MYH4: variants seen among roughly 807,000 people sequenced by gnomAD.
MYH4 encodes myosin-4.
Under a neutral mutation model 229.9 loss-of-function variants are expected in MYH4, and 200 were observed. The observed-to-expected ratio is 0.87, with a 90% CI of 0.78 to 0.98. MYH4 has a LOEUF of 0.98. Among genes scored for constraint, MYH4 ranks in the 50% least tolerant of loss-of-function variants. The pLI, the probability that MYH4 is intolerant of heterozygous loss-of-function variation, is 0.00. For missense variants in MYH4, 2,148 were observed against 2,332.6 expected, an observed-to-expected ratio of 0.92 and a Z score of 1.63; for synonymous variants, 761 against 834.6, an observed-to-expected ratio of 0.91 and a Z score of 1.52.
Position 10,457,629 on chromosome 17 carries a change from G to A in MYH4, c.1688C>T (p.Ser563Phe), listed in dbSNP as rs1165006026. The change falls in exon 16 of 40, where the codon TCC becomes TTC. Residue 563 changes from serine (S) to phenylalanine (F), a missense_variant. By Grantham distance (155) the Ser-to-Phe change is radical. Transcript: ENST00000255381. ...AGGCTTGGGCTTCTGGAAGTTGTTG[G>A]ATTTTCCAAGATGTTGTTCATACAG... ...NKLYEQHLGKSNNFQKPKPAK... is the reference protein window; with the variant it reads ...NKLYEQHLGKFNNFQKPKPAK... 6.2e-7 allele frequency: 1 copy of A among 1,614,096 alleles called. No individual in the cohort carries two copies. Among genetic ancestry groups the A allele is most frequent in the African/African-American group, 1.3e-5 (1 of 74,932 alleles).
Position 10,452,226 on chromosome 17 carries a change from A to C in MYH4, c.3453T>G (p.Ser1151Arg). 1.9e-6 allele frequency: 3 copies of C among 1,613,624 alleles called. No homozygotes were observed. The highest frequency in any genetic ancestry group is 2.2e-5 in the East Asian group (1 of 44,868). Residue 1151 changes from serine to arginine, a missense_variant, in exon 27 of 40, where the codon AGT (serine) becomes AGG (arginine). Coordinates refer to ENST00000255381, the MANE Select transcript of MYH4 (RefSeq NM_017533.2). ...CCCCACCGGCTTCTTCCAGCCTCTC[A>C]CTGATCTCCTCCAGCTCCCGGGAGA... ...SDLSRELEEI[S>R]ERLEEAGGAT...
chr17:10,463,208 C>A lies in MYH4; in HGVS notation c.806-20G>T, dbSNP rs1368815637. 1 of 1,594,758 alleles carries A rather than the reference C, an allele frequency of 6.3e-7. No individual in the cohort carries two copies. The highest frequency in any genetic ancestry group is 1.1e-5 in the South Asian group (1 of 88,898). ...GCAGATCTGGAAGTCAGATTAAGCT[C>A]ATTTAAAAGAAGATGCCACAGTGAA... On this transcript the variant is annotated intron_variant, in intron 9 of 39. Coordinates refer to ENST00000255381, the MANE Select transcript of MYH4 (RefSeq NM_017533.2).
intron 19 of MYH4, 43 bp from the exon 20 acceptor site, chr17:10,455,338 T>A: frequency 6.4e-7 from 1 of 1,572,244 alleles, no homozygotes; most frequent in Non-Finnish European, 8.7e-7. Flanking sequence ...TTTTCTTCAC[T>A]GAAAAAAACA....
Position 10,460,261 on chromosome 17 carries a change from C to G in MYH4, c.1208G>C (p.Cys403Ser). Reference sequence around the variant, plus strand: ...ATTGCCGACCTTGACTCTGGGATAGCAGAGAGATTTGAGCAGGTCAGCAGA... The same window carrying G: ...ATTGCCGACCTTGACTCTGGGATAGGAGAGAGATTTGAGCAGGTCAGCAGA... Reference protein sequence around the residue: ...LNSADLLKSLCYPRVKVGNEF... With the variant: ...LNSADLLKSLSYPRVKVGNEF... The change falls in exon 13 of 40, where the codon TGC (cysteine) becomes TCC (serine). Residue 403 changes from cysteine to serine, a missense_variant. By Grantham distance (112) the Cys-to-Ser change is moderately radical. Transcript: ENST00000255381. 1 of 1,614,024 alleles carries G rather than the reference C, an allele frequency of 6.2e-7. No homozygotes were observed. Among genetic ancestry groups the G allele is most frequent in the Non-Finnish European group, 8.5e-7 (1 of 1,179,926 alleles).
At position 10,448,536 on chromosome 17, in the gene MYH4, A is replaced by G. The variant is rs751596787; in HGVS notation, c.4532-16T>C. The G allele has an allele frequency of 1.2e-6, 2 of 1,611,210 alleles. No individual in the cohort carries two copies. Among genetic ancestry groups the G allele is most frequent in the South Asian group, 1.1e-5 (1 of 90,544 alleles). On this transcript the variant is annotated splice_polypyrimidine_tract_variant and intron_variant, in intron 32 of 39. Transcript: ENST00000255381. ...GAAATCTCCTCTGTAATAATAAAGTACCAAATTTCAGTTAAGTAGAAAGAA... is the reference window on the plus strand; with the variant it reads ...GAAATCTCCTCTGTAATAATAAAGTGCCAAATTTCAGTTAAGTAGAAAGAA...
intron 4 of MYH4, among the ~76,000 whole-genome samples, chr17:10,466,017 G>T (rs113473745): frequency 1.3e-4 from 19 of 151,824 alleles, no homozygotes; most frequent in African/African-American, 1.7e-4. Context: ...CTCGTGATCC[G>T]CCCGCCTCGG....
Position 10,452,173 on chromosome 17 carries a change from T to A in MYH4, c.3506A>T (p.Lys1169Met). 6.2e-7 allele frequency: 1 copy of A among 1,613,990 alleles called. No individual in the cohort carries two copies. Among genetic ancestry groups the A allele is most frequent in the Non-Finnish European group, 8.5e-7 (1 of 1,180,008 alleles). ...TTTCTGGAACTCAGCCTCCCGCTTC[T>A]TGTTCATCTCAATCTGGGCTGAAGT... ...GATSAQIEMN[K>M]KREAEFQKMR... The change falls in exon 27 of 40, where the codon AAG (lysine) becomes ATG (methionine). Residue 1169 changes from lysine to methionine, a missense_variant. Physicochemically the swap from Lys to Met is moderately conservative, Grantham distance 95. Transcript: ENST00000255381.
At chr17:10,461,628 G>A (rs1260081291) in intron 11 of MYH4, among the ~76,000 whole-genome samples, 2 of 152,150 alleles carry the variant, frequency 1.3e-5, no homozygotes, top group African/African-American at 2.4e-5. Context: ...CAGCGACCAC[G>A]AGATGCCTGG....
Position 10,450,906 on chromosome 17 carries a change from C to A in MYH4, c.3866-11G>T. The A allele has an allele frequency of 1.3e-6, 2 of 1,577,896 alleles. No homozygotes were observed. The highest frequency in any genetic ancestry group is 1.3e-5 in the African/African-American group (1 of 74,256). On this transcript the variant is annotated splice_polypyrimidine_tract_variant and intron_variant, in intron 28 of 39. Coordinates refer to ENST00000255381, the MANE Select transcript of MYH4 (RefSeq NM_017533.2). ...GTCGTGAAAACTCACCTGTGGAAGA[C>A]AAAACATCAATGATTTAGTTCTGTT... is the stretch of plus-strand genomic sequence containing the variant.
rs377556134 is a variant in MYH4, at chr17:10,463,548, T to A, written c.741+3A>T. The stretch of plus-strand genomic sequence containing the variant: ...TCAAGAAAATGAAGATCAAGAGACT[T>A]ACAAAGCGAGAGGAGTTGTCATTCC... On this transcript the variant is annotated splice_donor_region_variant and intron_variant, in intron 8 of 39. Transcript: ENST00000255381. 330 of 1,610,608 alleles carry A rather than the reference T, an allele frequency of 2.0e-4. No individual in the cohort carries two copies. Among genetic ancestry groups the A allele is most frequent in the Non-Finnish European group, 2.7e-4 (319 of 1,176,934 alleles).
chr17:10,448,556 AAAG>A, intron 32 of MYH4, 36 bp from the exon 33 acceptor site: 2 of 1,610,050 alleles, frequency 1.2e-6, no homozygotes, highest in Non-Finnish European at 1.7e-6. Context: ...AGTTAAGTAG[AAAG>A]AAAAATTGAA....
intron 24 of MYH4, 55 bp downstream of exon 24, chr17:10,453,097 A>G (rs951829655): frequency 6.2e-7 from 1 of 1,609,210 alleles, no homozygotes; most frequent in South Asian, 1.1e-5. Context: ...TGCTGGTTTC[A>G]TGTCACAATT....
chr17:10,459,181 A>T (rs2072673536), intron 15 of MYH4, 70 bp downstream of exon 15: 2 of 1,610,764 alleles, frequency 1.2e-6, no homozygotes, highest in Non-Finnish European at 1.7e-6. Flanking sequence ...GAGAACAGGG[A>T]GTGTGATTAA....
chr17:10,450,577 C>CAGGA lies in MYH4; in HGVS notation c.4056_4057insTCCT (p.Glu1353SerfsTer2), dbSNP rs774726079. 45 of 1,614,088 alleles carry CAGGA rather than the reference C, an allele frequency of 2.8e-5. No individual in the cohort carries two copies. The Admixed American group carries it at 7.5e-4, about 27-fold the overall frequency. On this transcript the variant is annotated frameshift_variant, in exon 30 of 40. Coordinates refer to ENST00000255381, the MANE Select transcript of MYH4 (RefSeq NM_017533.2). LOFTEE classifies it high-confidence loss of function. Reference sequence around the variant, plus strand: ...AGCTCAGCCTTGGCTTCCTGCTCCTCCTCATACTGTTCCCGCAGCAGGTCA... The same window carrying CAGGA: ...AGCTCAGCCTTGGCTTCCTGCTCCTCAGGACTCATACTGTTCCCGCAGCAGGTCA...
At chr17:10,449,823 G>T (rs1597416075) in intron 30 of MYH4, among the ~76,000 whole-genome samples, 1 of 152,058 alleles carries the variant, frequency 6.6e-6, no homozygotes, top group East Asian at 1.9e-4. Flanking sequence ...ACTCTCTCTG[G>T]AAATGCTTGC....
In MYH4 at chr17:10,450,634, C is replaced by T. The variant is rs1031936031; in HGVS notation, c.4000G>A (p.Ala1334Thr). ...EEETKAKSTLAHALQSARHDC... is the reference protein window; with the variant it reads ...EEETKAKSTLTHALQSARHDC... ...TGGCGGGCTGACTGCAGGGCATGGG[C>T]CAGAGTGCTCTTGGCCTAGACCAAC... The change falls in exon 30 of 40, where the codon GCC becomes ACC. Residue 1334 changes from alanine (A) to threonine (T), a missense_variant. Ala to Thr is a moderately conservative substitution (Grantham distance 58). Coordinates refer to ENST00000255381, the MANE Select transcript of MYH4 (RefSeq NM_017533.2). The T allele has an allele frequency of 5.0e-6, 8 of 1,614,002 alleles. No homozygotes were observed. Among genetic ancestry groups the T allele is most frequent in the Non-Finnish European group, 5.9e-6 (7 of 1,180,010 alleles).
rs141172847 is a variant in MYH4, at chr17:10,452,044, T to A, written c.3635A>T (p.Asp1212Val). The A allele has an allele frequency of 2.0e-5, 32 of 1,613,872 alleles. 1 individual carries two copies. The African/African-American group carries it at 3.9e-4, about 20-fold the overall frequency. Residue 1212 changes from aspartate (D) to valine (V), a missense_variant, in exon 27 of 40, where the codon GAC becomes GTC. Coordinates refer to ENST00000255381, the MANE Select transcript of MYH4 (RefSeq NM_017533.2). Reference sequence around the variant, plus strand: ...CTTCTGCTTGACCCGCTGAAGGCTGTCAATCTGCTCCCCAAGCTCAGCCAC... The same window carrying A: ...CTTCTGCTTGACCCGCTGAAGGCTGACAATCTGCTCCCCAAGCTCAGCCAC... The part of the protein sequence containing the change: ...DSVAELGEQI[D>V]SLQRVKQKLE...
chr17:10,458,500 C>T (rs2072665610), intron 15 of MYH4, among the ~76,000 whole-genome samples: 1 of 152,148 alleles, frequency 6.6e-6, no homozygotes, highest in South Asian at 2.1e-4. Flanking sequence ...TCTTATCTTT[C>T]ATATTTTTGT....
In MYH4 at chr17:10,452,083, T is replaced by G; in HGVS notation, c.3596A>C (p.Lys1199Thr). Residue 1199 changes from lysine to threonine, a missense_variant, in exon 27 of 40, where the codon AAG becomes ACG. Coordinates refer to ENST00000255381, the MANE Select transcript of MYH4 (RefSeq NM_017533.2). ...AAGCTCAGCCACACTATCTGCGTGC[T>G]TCTTCCGAAGAGCAGCTGCCGTGGC... is the stretch of plus-strand genomic sequence containing the variant. ...HEATAAALRK[K>T]HADSVAELGE... is the part of the protein sequence containing the mutation. The G allele has an allele frequency of 6.2e-7, 1 of 1,613,998 alleles. No individual in the cohort carries two copies. Among genetic ancestry groups the G allele is most frequent in the East Asian group, 2.2e-5 (1 of 44,870 alleles).
Sources: allele counts gnomAD v4.1 joint callset (sites outside exome capture counted in the v4.1 genomes callset), GRCh38; gene constraint gnomAD v4.1.1; transcripts MANE v1.5; gene names NCBI Gene and HGNC (gene_info 2026-07-23, HGNC 2026-07-21).